Variants in ADAM23 observed in about 807,000 individuals in gnomAD.
ADAM23 encodes ADAM metallopeptidase domain 23.
ADAM23 carries 33 observed loss-of-function variants against 120.1 expected under a neutral mutation model. The ratio of observed to expected loss-of-function variants is 0.27; its 90% CI spans 0.21 to 0.37. The LOEUF is 0.37. ADAM23 is among the 10% of genes least tolerant of loss of function. The pLI is 1.00. For missense variants in ADAM23, 862 were observed against 1,058.2 expected (o/e 0.81, Z 2.57); for synonymous variants, 367 against 375.2 (o/e 0.98, Z 0.25).
At chr2:206,493,391 A>C (rs1696171461) in intron 3 of ADAM23, among the ~76,000 whole-genome samples, 1 of 151,996 alleles carries the variant, frequency 6.6e-6, no homozygotes, top group Non-Finnish European at 1.5e-5. Context: ...TATTTTTTTG[A>C]GACGGAGTTT....
chr2:206,445,086 G>T (rs1344195499), intron 1 of ADAM23, among the ~76,000 whole-genome samples: 2 of 150,992 alleles, frequency 1.3e-5, no homozygotes, highest in Non-Finnish European at 2.9e-5. Context: ...GTGCACAGTT[G>T]TATAAGCCTT....
At chr2:206,599,428 A>C (rs906948142) in intron 24 of ADAM23, among the ~76,000 whole-genome samples, 3 of 152,158 alleles carry the variant, frequency 2.0e-5, no homozygotes, top group Admixed American at 2.0e-4. Flanking sequence ...TTTCCAGAAA[A>C]TTCAAGCAAT....
chr2:206,459,673 T>C (rs558504478), intron 2 of ADAM23, among the ~76,000 whole-genome samples: 11 of 152,314 alleles, frequency 7.2e-5, no homozygotes, highest in Admixed American at 5.2e-4. Context: ...TCCACTTGGA[T>C]GTCTTATAGG....
chr2:206,517,095 A>T (rs1696750261), intron 3 of ADAM23, among the ~76,000 whole-genome samples: 1 of 152,212 alleles, frequency 6.6e-6, no homozygotes, highest in Admixed American at 6.5e-5. Context: ...AAACACACGT[A>T]TGCACTTTCT....
intron 22 of ADAM23, among the ~76,000 whole-genome samples, chr2:206,593,641 C>A (rs949574376): frequency 6.6e-6 from 1 of 151,902 alleles, no homozygotes; most frequent in African/African-American, 2.4e-5. Context: ...AATTTGTAGT[C>A]TCTAAAGCTA....
intron 3 of ADAM23, among the ~76,000 whole-genome samples, chr2:206,526,736 T>C (rs1696954688): frequency 6.6e-6 from 1 of 152,214 alleles, no homozygotes; most frequent in African/African-American, 2.4e-5. Flanking sequence ...TGAAATAGCA[T>C]TTGGTGGACA....
rs188557635 is a variant in ADAM23 at position 206,468,220 on chromosome 2, A to T, written c.433-13012A>T. 5.9e-5 allele frequency among the ~76,000 whole-genome samples: 9 copies of T among 152,274 alleles called. No homozygotes were observed. In the East Asian group the frequency reaches 1.4e-3, roughly 23 times the overall value. ...CAATCCCCTTGAATTTTTCTCCTGA[A>T]AATGGGCTTTTCGTTTTTCACCACA... is the stretch of plus-strand genomic sequence containing the variant. On this transcript the variant is annotated intron_variant, in intron 2 of 25. Coordinates refer to ENST00000264377, the MANE Select transcript of ADAM23 (RefSeq NM_003812.4).
intron 3 of ADAM23, among the ~76,000 whole-genome samples, chr2:206,502,101 G>A (rs2105894279): frequency 6.6e-6 from 1 of 152,208 alleles, no homozygotes; most frequent in South Asian, 2.1e-4. Flanking sequence ...TGATGGTGGT[G>A]TATAAAAAAT....
rs1432119596 is a variant in ADAM23, at chr2:206,515,937, A to G, written c.510-14948A>G. 2.0e-5 allele frequency among the ~76,000 whole-genome samples: 3 copies of G among 152,030 alleles called. No individual in the cohort carries two copies. In the South Asian group the frequency reaches 6.2e-4, roughly 31 times the overall value. Reference sequence around the variant, plus strand: ...TCTCATACTCAAAATTTTTAATGTCAGAATTGGGCTGGGCTCTTCTCTTTC... The same window carrying G: ...TCTCATACTCAAAATTTTTAATGTCGGAATTGGGCTGGGCTCTTCTCTTTC... On this transcript the variant is annotated intron_variant, in intron 3 of 25. Transcript: ENST00000264377.
intron 3 of ADAM23, among the ~76,000 whole-genome samples, chr2:206,528,699 C>T (rs1246188451): frequency 1.3e-5 from 2 of 152,110 alleles, no homozygotes; most frequent in Non-Finnish European, 2.9e-5. Flanking sequence ...AGTAGTGTCA[C>T]GGTTTCCTAA....
chr2:206,511,373 C>CT (rs1313909763), intron 3 of ADAM23, among the ~76,000 whole-genome samples: 1 of 152,010 alleles, frequency 6.6e-6, no homozygotes, highest in African/African-American at 2.4e-5. Flanking sequence ...TATCTGTGTT[C>CT]TTTTCTTTCT....
At chr2:206,577,852 T>C (rs1157542922) in intron 18 of ADAM23, among the ~76,000 whole-genome samples, 1 of 151,606 alleles carries the variant, frequency 6.6e-6, no homozygotes, top group Non-Finnish European at 1.5e-5. Flanking sequence ...ACTTCCACAA[T>C]GGTTGAACTA....
At chr2:206,496,557 C>G (rs1276933163) in intron 3 of ADAM23, among the ~76,000 whole-genome samples, 1 of 151,936 alleles carries the variant, frequency 6.6e-6, no homozygotes, top group African/African-American at 2.4e-5. Flanking sequence ...CAGGAAAGAT[C>G]TAAAATTGAC....
chr2:206,466,164 GA>G (rs1486334568), intron 2 of ADAM23, among the ~76,000 whole-genome samples: 2 of 152,098 alleles, frequency 1.3e-5, no homozygotes, highest in Admixed American at 1.3e-4. Context: ...TGAACTTTCG[GA>G]AAATCAAAGA....
chr2:206,526,846 C>T (rs1293271883), intron 3 of ADAM23, among the ~76,000 whole-genome samples: 3 of 152,206 alleles, frequency 2.0e-5, no homozygotes, highest in Non-Finnish European at 4.4e-5. Flanking sequence ...ACATGTTCTT[C>T]ATATTTTGAG....
rs73052197 is a variant in ADAM23 at position 206,451,901 on chromosome 2, G to A, written c.432+6377G>A. 5.9e-3 allele frequency among the ~76,000 whole-genome samples: 905 copies of A among 152,320 alleles called. 7 individuals are homozygous for A. Among genetic ancestry groups the A allele is most frequent in the African/African-American group, 0.021 (857 of 41,566 alleles). ...AGTGCCAATTATGTGGCTCCCCAGCGAGCTTTACTTCTAGTAGGAAGAGAC... is the reference window on the plus strand; with the variant it reads ...AGTGCCAATTATGTGGCTCCCCAGCAAGCTTTACTTCTAGTAGGAAGAGAC... On this transcript the variant is annotated intron_variant, in intron 2 of 25. Coordinates refer to ENST00000264377, the MANE Select transcript of ADAM23 (RefSeq NM_003812.4).
intron 24 of ADAM23, among the ~76,000 whole-genome samples, chr2:206,599,620 T>C (rs1405027451): frequency 1.3e-5 from 2 of 152,246 alleles, no homozygotes; most frequent in Admixed American, 6.5e-5. Flanking sequence ...TGAGAAATTA[T>C]GTGCTTTTCG....
At chr2:206,542,185 C>T in intron 5 of ADAM23, 51 bp downstream of exon 5, 10 of 1,544,120 alleles carry the variant, frequency 6.5e-6, no homozygotes, top group Non-Finnish European at 9.0e-6. Context: ...TCCAGTTTCC[C>T]TTTTATGGAT....
chr2:206,456,763 G>C (rs1001184821), intron 2 of ADAM23, among the ~76,000 whole-genome samples: 1 of 152,084 alleles, frequency 6.6e-6, no homozygotes, highest in Admixed American at 6.5e-5. Context: ...GCCCTCAGTG[G>C]GGCTAAAGAT....
Sources: gnomAD v4.1 joint callset for allele counts (sites outside exome capture counted in the v4.1 genomes callset) on GRCh38, gnomAD v4.1.1 for gene constraint, MANE v1.5 for transcripts, NCBI Gene and HGNC (gene_info 2026-07-23, HGNC 2026-07-21) for gene names.